Variants in SNX25 observed in about 807,000 individuals in gnomAD.
SNX25 encodes the protein sorting nexin 25.
A neutral mutation model predicts 113.7 loss-of-function variants in SNX25; 62 were observed. That is an observed-to-expected ratio of 0.55 (90% CI 0.44 to 0.67). The LOEUF (loss-of-function observed/expected upper bound fraction) is 0.67, where lower values mean the gene tolerates loss of function less well. SNX25 is among the 30% of genes least tolerant of loss of function. The probability of loss-of-function intolerance (pLI) is 0.00; values close to 1 mark genes in which losing one functional copy is unlikely to be tolerated. For missense variants in SNX25, 1,014 were observed against 1,161.0 expected (o/e 0.87, Z 1.84); for synonymous variants, 421 against 436.2 (o/e 0.97, Z 0.43).
intron 2 of SNX25, among the ~76,000 whole-genome samples, chr4:185,256,249 T>C (rs114276288): frequency 2.6e-4 from 40 of 152,340 alleles, no homozygotes; most frequent in African/African-American, 9.6e-4. Context: ...AAGGCACAGT[T>C]ATCTTATCCC....
chr4:185,370,607 T>C, downstream of SNX25: 1 of 1,599,746 alleles, frequency 6.3e-7, no homozygotes, highest in Non-Finnish European at 8.6e-7. Context: ...CAGTTTCTCT[T>C]TGGGTGAATT....
At chr4:185,221,872 G>A (rs970416428) in intron 1 of SNX25, among the ~76,000 whole-genome samples, 1 of 152,022 alleles carries the variant, frequency 6.6e-6, no homozygotes, top group African/African-American at 2.4e-5. Flanking sequence ...GTTTTGCAGG[G>A]AAGCTTTTCC....
chr4:185,320,106 C>T (rs536359746), intron 7 of SNX25, among the ~76,000 whole-genome samples: 3 of 152,182 alleles, frequency 2.0e-5, no homozygotes, highest in Non-Finnish European at 4.4e-5. Flanking sequence ...CACCATTTGA[C>T]TCAGCAATCC....
intron 10 of SNX25, among the ~76,000 whole-genome samples, chr4:185,338,435 C>G (rs544680090): frequency 2.6e-5 from 4 of 152,050 alleles, no homozygotes; most frequent in Admixed American, 2.0e-4. Flanking sequence ...CCCCCAACCC[C>G]CTCCACCACA....
downstream of SNX25, chr4:185,370,810 C>T (rs780750023): frequency 3.7e-6 from 6 of 1,613,750 alleles, no homozygotes; most frequent in East Asian, 2.2e-5. Flanking sequence ...TCATAGTCAG[C>T]GATCCTGAGA....
intron 6 of SNX25, among the ~76,000 whole-genome samples, chr4:185,295,257 C>G (rs1752682776): frequency 6.6e-6 from 1 of 152,060 alleles, no homozygotes; most frequent in Non-Finnish European, 1.5e-5. Context: ...TTCCAATGTT[C>G]TTTCTCCTTA....
At position 185,356,114 on chromosome 4, in the gene SNX25, G is replaced by A. The variant is rs530692215; in HGVS notation, c.2585-1557G>A. Among the ~76,000 whole-genome samples, 10 of 152,278 alleles carry A rather than the reference G, an allele frequency of 6.6e-5. No individual in the cohort carries two copies. In the East Asian group the frequency reaches 1.9e-3, roughly 29 times the overall value. ...CTGCTGCAGCTGCCTCTGTGGCTTT[G>A]AGCAAACAAGCCTTTGGAGTAATGG... On this transcript the variant is annotated intron_variant, in intron 15 of 18. Transcript: ENST00000652585.
At chr4:185,271,976 C>G (rs540308135) in intron 5 of SNX25, among the ~76,000 whole-genome samples, 1 of 152,340 alleles carries the variant, frequency 6.6e-6, no homozygotes, top group East Asian at 1.9e-4. Context: ...TATGTCAGAA[C>G]CACTGAGACC....
At chr4:185,358,965 A>G (rs1303466211) in intron 16 of SNX25, among the ~76,000 whole-genome samples, 3 of 152,236 alleles carry the variant, frequency 2.0e-5, no homozygotes, top group African/African-American at 7.2e-5. Flanking sequence ...GAAACACTGT[A>G]AAGAACATTT....
intron 5 of SNX25, among the ~76,000 whole-genome samples, chr4:185,268,859 G>T (rs571681610): frequency 6.6e-6 from 1 of 151,994 alleles, no homozygotes; most frequent in African/African-American, 2.4e-5. Flanking sequence ...ATAATGACGG[G>T]TTCAATTTAC....
At chr4:185,368,958 T>C (rs957374525), downstream of SNX25, among the ~76,000 whole-genome samples, 5 of 151,812 alleles carry the variant, frequency 3.3e-5, no homozygotes, top group African/African-American at 1.2e-4. Context: ...CATGATGGGC[T>C]AATTTTTGTA....
At position 185,260,164 on chromosome 4, in the gene SNX25, A is replaced by G. The variant is rs532633066; in HGVS notation, c.731+1100A>G. Among the ~76,000 whole-genome samples the G allele has an allele frequency of 6.6e-5, 10 of 152,294 alleles. 1 individual carries two copies. Among genetic ancestry groups the G allele is most frequent in the African/African-American group, 2.2e-4 (9 of 41,560 alleles). On this transcript the variant is annotated intron_variant, in intron 3 of 18. Transcript: ENST00000652585. ...CGTTTTTTTAAAAATAATGTTTAAG[A>G]CCAACTCAATTTTATTTTCTTACTT...
chr4:185,283,574 T>C (rs1750948516), intron 5 of SNX25, among the ~76,000 whole-genome samples: 1 of 152,214 alleles, frequency 6.6e-6, no homozygotes, highest in Non-Finnish European at 1.5e-5. Context: ...CTTACGTACT[T>C]AGAAAAACCC....
At chr4:185,313,667 G>T (rs1465405926) in intron 7 of SNX25, among the ~76,000 whole-genome samples, 2 of 152,108 alleles carry the variant, frequency 1.3e-5, no homozygotes, top group Non-Finnish European at 2.9e-5. Context: ...GATATATTGT[G>T]CAGTTAAAGC....
chr4:185,324,774 C>T (rs930754729), intron 9 of SNX25, among the ~76,000 whole-genome samples: 1 of 152,052 alleles, frequency 6.6e-6, no homozygotes, highest in African/African-American at 2.4e-5. Flanking sequence ...GATGGCGATG[C>T]TCCTGCTCTG....
At chr4:185,221,115 C>T (rs747612168) in intron 1 of SNX25, among the ~76,000 whole-genome samples, 3 of 151,988 alleles carry the variant, frequency 2.0e-5, no homozygotes, top group Non-Finnish European at 4.4e-5. Flanking sequence ...TCACCGCAAC[C>T]TCCACTTCCT....
chr4:185,328,985 CAAGGAAGGGGTTTCA>C (rs1035239228), intron 9 of SNX25, among the ~76,000 whole-genome samples: 6 of 151,838 alleles, frequency 4.0e-5, no homozygotes, highest in South Asian at 2.1e-4. Flanking sequence ...AAGGGGTTTC[CAAGGAAGGGGTTTCA>C]AAGGAAGGAG....
intron 1 of SNX25, among the ~76,000 whole-genome samples, chr4:185,233,874 T>A (rs1005349933): frequency 4.6e-5 from 6 of 131,222 alleles, no homozygotes; most frequent in African/African-American, 1.5e-4. Context: ...TATTATTATT[T>A]TTAGATGGAG....
At chr4:185,240,368 C>G (rs1467504753) in intron 1 of SNX25, among the ~76,000 whole-genome samples, 3 of 151,640 alleles carry the variant, frequency 2.0e-5, no homozygotes, top group Non-Finnish European at 2.9e-5. Context: ...TCTCACCTCC[C>G]GGACGGGGCG....
Sources: gnomAD v4.1 joint callset for allele counts (sites outside exome capture counted in the v4.1 genomes callset) on GRCh38, gnomAD v4.1.1 for gene constraint, MANE v1.5 for transcripts, NCBI Gene and HGNC (gene_info 2026-07-23, HGNC 2026-07-21) for gene names.